Variants in ENTREP2 observed in about 807,000 individuals in gnomAD.
The protein encoded by ENTREP2 is endosomal transmembrane epsin interactor 2, also known as protein ENTREP2.
the ENTREP2 span, among the ~76,000 whole-genome samples, chr15:29,155,137 T>C: frequency 0.18 from 27,176 of 150,802 alleles, 2,573 homozygotes; most frequent in Non-Finnish European, 0.21. Flanking sequence ...AAAAAATTAG[T>C]CGGGCGTGGT....
chr15:29,308,464 G>A, the ENTREP2 span, among the ~76,000 whole-genome samples: 1 of 152,128 alleles, frequency 6.6e-6, no homozygotes, highest in African/African-American at 2.4e-5. Context: ...GCAGAGACTC[G>A]GCACAGTGCC....
the ENTREP2 span, among the ~76,000 whole-genome samples, chr15:29,516,335 T>C: frequency 3.9e-5 from 6 of 152,164 alleles, no homozygotes; most frequent in Non-Finnish European, 7.3e-5. Context: ...TTTCCATTCA[T>C]GCAATGGAAT....
the ENTREP2 span, among the ~76,000 whole-genome samples, chr15:29,501,246 C>A: frequency 6.7e-6 from 1 of 149,254 alleles, no homozygotes; most frequent in South Asian, 2.1e-4. Flanking sequence ...AGATCAATAA[C>A]CGTTGTGACT....
chr15:29,126,325 A>G, the ENTREP2 span: 16 of 1,520,130 alleles, frequency 1.1e-5, no homozygotes, highest in Non-Finnish European at 1.2e-5. Flanking sequence ...CACGCCCGGG[A>G]CCTGGCTGCA....
the ENTREP2 span, among the ~76,000 whole-genome samples, chr15:29,379,814 G>A: frequency 7.9e-5 from 12 of 152,130 alleles, no homozygotes; most frequent in African/African-American, 2.9e-4. Flanking sequence ...GGTGATGGAC[G>A]TCATTTCTCT....
At chr15:29,228,552 C>T in the ENTREP2 span, among the ~76,000 whole-genome samples, 1 of 152,142 alleles carries the variant, frequency 6.6e-6, no homozygotes, top group African/African-American at 2.4e-5. Context: ...TGTGAATGTA[C>T]TTAATGCCAC....
At chr15:29,261,866 T>C in the ENTREP2 span, among the ~76,000 whole-genome samples, 2 of 151,432 alleles carry the variant, frequency 1.3e-5, no homozygotes, top group African/African-American at 4.9e-5. Context: ...GATAAATATA[T>C]TGCCTTAAAT....
chr15:29,186,644 G>A, the ENTREP2 span, among the ~76,000 whole-genome samples: 1 of 152,062 alleles, frequency 6.6e-6, no homozygotes, highest in Non-Finnish European at 1.5e-5. Flanking sequence ...ATTACCACCG[G>A]CACCATAGGT....
At chr15:29,353,444 G>A in the ENTREP2 span, among the ~76,000 whole-genome samples, 212 of 152,268 alleles carry the variant, frequency 1.4e-3, 2 homozygotes, top group African/African-American at 4.9e-3. Flanking sequence ...TAGGTAGGTA[G>A]GTAGGTAGGT....
the ENTREP2 span, among the ~76,000 whole-genome samples, chr15:29,343,571 G>GCT: frequency 1.3e-5 from 1 of 77,424 alleles, no homozygotes; most frequent in South Asian, 4.8e-4. Flanking sequence ...AAAAAACCAG[G>GCT]CGCTCTCTCT....
chr15:29,556,761 T>TG, the ENTREP2 span, among the ~76,000 whole-genome samples: 49,788 of 103,270 alleles, frequency 0.48, 8,334 homozygotes, highest in East Asian at 0.62. Context: ...CCCATGCAGG[T>TG]GCCCCCCCCC....
chr15:29,213,233 C>CA, the ENTREP2 span, among the ~76,000 whole-genome samples: 4 of 152,104 alleles, frequency 2.6e-5, no homozygotes, highest in African/African-American at 9.7e-5. Flanking sequence ...GTGATGCCTC[C>CA]AGCTTTGTTC....
At chr15:29,392,789 G>A in the ENTREP2 span, among the ~76,000 whole-genome samples, 3 of 152,190 alleles carry the variant, frequency 2.0e-5, no homozygotes, top group South Asian at 2.1e-4. Context: ...TCCAGTAGCT[G>A]TATGTTTGTC....
the ENTREP2 span, chr15:29,120,146 C>T: frequency 6.6e-6 from 1 of 152,216 alleles, no homozygotes; most frequent in Non-Finnish European, 1.5e-5. Context: ...GTATCCCAGG[C>T]TCCCCGGCTG....
the ENTREP2 span, among the ~76,000 whole-genome samples, chr15:29,321,999 A>G: frequency 3.3e-5 from 5 of 152,114 alleles, no homozygotes; most frequent in African/African-American, 1.2e-4. Flanking sequence ...TTAAATTTAA[A>G]AAAAAGGAGT....
chr15:29,132,090 GC>G, the ENTREP2 span, among the ~76,000 whole-genome samples: 1 of 152,100 alleles, frequency 6.6e-6, no homozygotes, highest in South Asian at 2.1e-4. Flanking sequence ...CCCCGACAGA[GC>G]CCGCCTTCTG....
chr15:29,566,846 TACACACACACAC>T, the ENTREP2 span, among the ~76,000 whole-genome samples: 2 of 146,174 alleles, frequency 1.4e-5, no homozygotes, highest in East Asian at 4.1e-4. Context: ...AAAGGAAAAA[TACACACACACAC>T]ACACACACAC....
At chr15:29,510,895 A>G in the ENTREP2 span, among the ~76,000 whole-genome samples, 1 of 152,138 alleles carries the variant, frequency 6.6e-6, no homozygotes, top group African/African-American at 2.4e-5. Context: ...TTGCAGGGAC[A>G]TGGATGAAGC....
the ENTREP2 span, among the ~76,000 whole-genome samples, chr15:29,567,713 G>C: frequency 6.6e-6 from 1 of 152,152 alleles, no homozygotes; most frequent in African/African-American, 2.4e-5. Context: ...CAGAGTAACA[G>C]GCTATTACAC....
Sources: gnomAD v4.1 joint callset for allele counts (sites outside exome capture counted in the v4.1 genomes callset) on GRCh38, gnomAD v4.1.1 for gene constraint, MANE v1.5 for transcripts, NCBI Gene and HGNC (gene_info 2026-07-23, HGNC 2026-07-21) for gene names.